H4C4: variants seen among roughly 807,000 people sequenced by gnomAD.
The protein encoded by H4C4 is histone H4.
A neutral mutation model predicts 4.4 loss-of-function variants in H4C4; 8 were observed. The observed-to-expected ratio is 1.81, with a 90% CI of 1.06 to 3.27. The LOEUF is 3.27. Among genes scored for constraint, H4C4 ranks in the 30% most tolerant of loss-of-function variants. The pLI, the probability that H4C4 is intolerant of heterozygous loss-of-function variation, is 0.00. For missense variants in H4C4, 223 were observed against 148.9 expected (o/e 1.50, Z -2.59); for synonymous variants, 130 against 59.4 (o/e 2.19, Z -5.46).
In H4C4 at chr6:26,189,078, T is replaced by G. The variant is rs1022698942; in HGVS notation, c.-2A>C. 6.3e-7 allele frequency: 1 copy of G among 1,579,954 alleles called. No homozygotes were observed. The highest frequency in any genetic ancestry group is 8.6e-7 in the Non-Finnish European group (1 of 1,161,124). On this transcript the variant is annotated 5_prime_UTR_variant, in exon 1 of 1. Transcript: ENST00000614247. Reference sequence around the variant, plus strand: ...TCCGCCCTTACCGCGGCCAGACATCTTGAAACCACAGCTGTTAAATCTGTA... The same window carrying G: ...TCCGCCCTTACCGCGGCCAGACATCGTGAAACCACAGCTGTTAAATCTGTA...
At position 26,188,730 on chromosome 6, in the gene H4C4, C is replaced by G; in HGVS notation, c.*35G>C. 6.3e-7 allele frequency: 1 copy of G among 1,595,566 alleles called. No individual in the cohort carries two copies. Among genetic ancestry groups the G allele is most frequent in the Non-Finnish European group, 8.6e-7 (1 of 1,169,526 alleles). ...GTGGATAGGTGGCCCTGAAAAGGGC[C>G]GTTGGTTTTGCGGTAGTGTACTGTA... On this transcript the variant is annotated 3_prime_UTR_variant, in exon 1 of 1. Coordinates refer to ENST00000614247, the MANE Select transcript of H4C4 (RefSeq NM_003539.4).
At position 26,188,824 on chromosome 6, in the gene H4C4, T is replaced by C. The variant is rs748605608; in HGVS notation, c.253A>G (p.Met85Val). The C allele has an allele frequency of 3.0e-5, 48 of 1,614,122 alleles. No individual in the cohort carries two copies. Among genetic ancestry groups the C allele is most frequent in the Non-Finnish European group, 3.8e-5 (45 of 1,180,044 alleles). ...EHAKRKTVTA[M>V]DVVYALKRQG... The stretch of plus-strand genomic sequence containing the variant: ...CGCTTGAGCGCGTACACCACGTCCA[T>C]GGCTGTGACTGTCTTGCGTTTGGCG... Residue 85 changes from methionine to valine, a missense_variant, in exon 1 of 1, where the codon ATG becomes GTG. Physicochemically the swap from Met to Val is conservative, Grantham distance 21. Transcript: ENST00000614247.
rs780528340 is a variant in H4C4, at chr6:26,188,998, T to A, written c.79A>T (p.Ile27Phe). 6.2e-6 allele frequency: 10 copies of A among 1,614,002 alleles called. No individual in the cohort carries two copies. The highest frequency in any genetic ancestry group is 8.5e-6 in the Non-Finnish European group (10 of 1,179,994). Residue 27 changes from isoleucine (I) to phenylalanine (F), a missense_variant, in exon 1 of 1, where the codon ATC becomes TTC. Coordinates refer to ENST00000614247, the MANE Select transcript of H4C4 (RefSeq NM_003539.4). ...KRHRKVLRDN[I>F]QGITKPAIRR... Reference sequence around the variant, plus strand: ...ATAGCGGGCTTGGTGATTCCTTGGATATTGTCACGCAATACCTTACGGTGA... The same window carrying A: ...ATAGCGGGCTTGGTGATTCCTTGGAAATTGTCACGCAATACCTTACGGTGA...
chr6:26,188,718 C>T lies in H4C4; in HGVS notation c.*47G>A. 4 of 1,573,208 alleles carry T rather than the reference C, an allele frequency of 2.5e-6. No homozygotes were observed. The highest frequency in any genetic ancestry group is 2.7e-5 in the African/African-American group (2 of 73,666). ...TCTTTCTCCTGAGTGGATAGGTGGC[C>T]CTGAAAAGGGCCGTTGGTTTTGCGG... On this transcript the variant is annotated 3_prime_UTR_variant, in exon 1 of 1. Transcript: ENST00000614247.
Position 26,188,868 on chromosome 6 carries a change from G to A in H4C4, c.209C>T (p.Ala70Val), listed in dbSNP as rs762477789. ...TTTGGCGTGTTCCGTGTAGGTGACA[G>A]CATCGCGGATTACATTTTCCAGGAA... ...KVFLENVIRD[A>V]VTYTEHAKRK... Residue 70 changes from alanine (A) to valine (V), a missense_variant, in exon 1 of 1, where the codon GCT becomes GTT. Physicochemically the swap from Ala to Val is moderately conservative, Grantham distance 64. Coordinates refer to ENST00000614247, the MANE Select transcript of H4C4 (RefSeq NM_003539.4). The A allele has an allele frequency of 7.4e-6, 12 of 1,614,116 alleles. No homozygotes were observed. The highest frequency in any genetic ancestry group is 4.5e-5 in the East Asian group (2 of 44,898).
Position 26,188,761 on chromosome 6 carries a change from A to T in H4C4, c.*4T>A, listed in dbSNP as rs746042680. ...TTTTGCGGTAGTGTACTGTAGAGGT[A>T]AGCTCAGCCGCCGAAGCCATAAAGA... On this transcript the variant is annotated 3_prime_UTR_variant, in exon 1 of 1. Transcript: ENST00000614247. The T allele has an allele frequency of 1.2e-6, 2 of 1,614,080 alleles. No individual in the cohort carries two copies. The highest frequency in any genetic ancestry group is 1.7e-6 in the Non-Finnish European group (2 of 1,179,968).
rs775510690 is a variant in H4C4, at chr6:26,188,781, TAA to T, written c.294_295del (p.Tyr99TrpfsTer?). The T allele has an allele frequency of 5.4e-5, 87 of 1,614,054 alleles. No homozygotes were observed. Among genetic ancestry groups the T allele is most frequent in the East Asian group, 1.3e-4 (6 of 44,896 alleles). ...GAGGTAAGCTCAGCCGCCGAAGCCA[TAA>T]AGAGTGCGTCCCTGGCGCTTGAGCG... On this transcript the variant is annotated frameshift_variant, in exon 1 of 1. Transcript: ENST00000614247. LOFTEE classifies it high-confidence loss of function.
rs375888188 is a variant in H4C4, at chr6:26,189,029, G to T, written c.48C>A (p.Ala16=). Residue 16 remains alanine, a synonymous_variant, in exon 1 of 1, where the codon GCC becomes GCA. Transcript: ENST00000614247. The part of the protein sequence containing the change: ...KGGKGLGKGG[A]KRHRKVLRDN... Reference sequence around the variant, plus strand: ...CACGCAATACCTTACGGTGACGCTTGGCGCCACCCTTACCTAGACCCTTTC... The same window carrying T: ...CACGCAATACCTTACGGTGACGCTTTGCGCCACCCTTACCTAGACCCTTTC... The T allele has an allele frequency of 6.2e-7, 1 of 1,611,018 alleles. No homozygotes were observed. Among genetic ancestry groups the T allele is most frequent in the Non-Finnish European group, 8.5e-7 (1 of 1,177,796 alleles).
rs370199061 is a variant in H4C4, at chr6:26,188,756, G to C, written c.*9C>G. Reference sequence around the variant, plus strand: ...GTTGGTTTTGCGGTAGTGTACTGTAGAGGTAAGCTCAGCCGCCGAAGCCAT... The same window carrying C: ...GTTGGTTTTGCGGTAGTGTACTGTACAGGTAAGCTCAGCCGCCGAAGCCAT... On this transcript the variant is annotated 3_prime_UTR_variant, in exon 1 of 1. Transcript: ENST00000614247. The C allele has an allele frequency of 1.2e-6, 2 of 1,613,970 alleles. No individual in the cohort carries two copies. The highest frequency in any genetic ancestry group is 1.1e-5 in the South Asian group (1 of 91,064).
rs747175899 is a variant in H4C4 at position 26,189,092 on chromosome 6, G to A, written c.-16C>T. 3.4e-5 allele frequency: 53 copies of A among 1,562,932 alleles called. No individual in the cohort carries two copies. The highest frequency in any genetic ancestry group is 2.3e-4 in the East Asian group (10 of 44,252). ...GGCCAGACATCTTGAAACCACAGCT[G>A]TTAAATCTGTAACGCAATACGTCTG... On this transcript the variant is annotated 5_prime_UTR_variant, in exon 1 of 1. Transcript: ENST00000614247.
chr6:26,188,998 T>C lies in H4C4; in HGVS notation c.79A>G (p.Ile27Val), dbSNP rs780528340. The C allele has an allele frequency of 2.5e-6, 4 of 1,614,120 alleles. No individual in the cohort carries two copies. Among genetic ancestry groups the C allele is most frequent in the Non-Finnish European group, 3.4e-6 (4 of 1,179,986 alleles). The change falls in exon 1 of 1, where the codon ATC becomes GTC. Residue 27 changes from isoleucine to valine, a missense_variant. Coordinates refer to ENST00000614247, the MANE Select transcript of H4C4 (RefSeq NM_003539.4). ...KRHRKVLRDN[I>V]QGITKPAIRR... The stretch of plus-strand genomic sequence containing the variant: ...ATAGCGGGCTTGGTGATTCCTTGGA[T>C]ATTGTCACGCAATACCTTACGGTGA...
rs750884941 is a variant in H4C4 at position 26,188,997 on chromosome 6, A to G, written c.80T>C (p.Ile27Thr). 6 of 1,614,052 alleles carry G rather than the reference A, an allele frequency of 3.7e-6. No individual in the cohort carries two copies. The highest frequency in any genetic ancestry group is 3.3e-5 in the South Asian group (3 of 91,084). Residue 27 changes from isoleucine to threonine, a missense_variant, in exon 1 of 1, where the codon ATC (isoleucine) becomes ACC (threonine). Transcript: ENST00000614247. ...KRHRKVLRDN[I>T]QGITKPAIRR... ...GATAGCGGGCTTGGTGATTCCTTGG[A>G]TATTGTCACGCAATACCTTACGGTG...
In H4C4 at chr6:26,188,768, G is replaced by A. The variant is rs1764826838; in HGVS notation, c.309C>T (p.Gly103=). Residue 103 remains glycine (G), a synonymous_variant, in exon 1 of 1, where the codon GGC becomes GGT. Coordinates refer to ENST00000614247, the MANE Select transcript of H4C4 (RefSeq NM_003539.4). ...RQGRTLYGFG[G] ...GTAGTGTACTGTAGAGGTAAGCTCA[G>A]CCGCCGAAGCCATAAAGAGTGCGTC... 1 of 1,614,176 alleles carries A rather than the reference G, an allele frequency of 6.2e-7. No individual in the cohort carries two copies. The highest frequency in any genetic ancestry group is 8.5e-7 in the Non-Finnish European group (1 of 1,180,022).
In H4C4 at chr6:26,189,047, A is replaced by ATAG. The variant is rs1004567395; in HGVS notation, c.29_30insCTA (p.Gly10_Leu11insTyr). ...GACGCTTGGCGCCACCCTTACCTAG[A>ATAG]CCCTTTCCGCCCTTACCGCGGCCAG... On this transcript the variant is annotated inframe_insertion, in exon 1 of 1. Transcript: ENST00000614247. The ATAG allele has an allele frequency of 6.2e-7, 1 of 1,600,600 alleles. No individual in the cohort carries two copies. The highest frequency in any genetic ancestry group is 1.3e-5 in the African/African-American group (1 of 74,268).
chr6:26,188,922 T>C lies in H4C4; in HGVS notation c.155A>G (p.Tyr52Cys), dbSNP rs1764833906. The C allele has an allele frequency of 6.2e-7, 1 of 1,614,152 alleles. No individual in the cohort carries two copies. Among genetic ancestry groups the C allele is most frequent in the Admixed American group, 1.7e-5 (1 of 60,036 alleles). ...GGVKRISGLI[Y>C]EETRGVLKVF... ...TTTCAGCACTCCGCGAGTTTCCTCA[T>C]AAATGAGGCCAGAAATACGCTTGAC... The change falls in exon 1 of 1, where the codon TAT (tyrosine) becomes TGT (cysteine). Residue 52 changes from tyrosine (Y) to cysteine (C), a missense_variant. Physicochemically the swap from Tyr to Cys is radical, Grantham distance 194. Transcript: ENST00000614247.
At position 26,188,983 on chromosome 6, in the gene H4C4, T is replaced by C. The variant is rs202049591; in HGVS notation, c.94A>G (p.Lys32Glu). 1 of 1,613,998 alleles carries C rather than the reference T, an allele frequency of 6.2e-7. No individual in the cohort carries two copies. Among genetic ancestry groups the C allele is most frequent in the African/African-American group, 1.3e-5 (1 of 74,910 alleles). Reference protein sequence around the residue: ...VLRDNIQGITKPAIRRLARRG... With the variant: ...VLRDNIQGITEPAIRRLARRG... ...CGAGCCAGGCGGCGGATAGCGGGCTTGGTGATTCCTTGGATATTGTCACGC... is the reference window on the plus strand; with the variant it reads ...CGAGCCAGGCGGCGGATAGCGGGCTCGGTGATTCCTTGGATATTGTCACGC... Residue 32 changes from lysine to glutamate, a missense_variant, in exon 1 of 1, where the codon AAG becomes GAG. Lys to Glu is a moderately conservative substitution (Grantham distance 56). Transcript: ENST00000614247.
At position 26,188,944 on chromosome 6, in the gene H4C4, TGACGCCGCCGCGGCGAGCCA is replaced by T. The variant is rs1764834611; in HGVS notation, c.113_132del (p.Leu38GlnfsTer9). The T allele has an allele frequency of 6.2e-7, 1 of 1,614,082 alleles. No individual in the cohort carries two copies. Among genetic ancestry groups the T allele is most frequent in the African/African-American group, 1.3e-5 (1 of 74,942 alleles). On this transcript the variant is annotated frameshift_variant, in exon 1 of 1. Coordinates refer to ENST00000614247, the MANE Select transcript of H4C4 (RefSeq NM_003539.4). LOFTEE classifies it high-confidence loss of function. ...TCATAAATGAGGCCAGAAATACGCTTGACGCCGCCGCGGCGAGCCAGGCGGCGGATAGCGGGCTTGGTGAT... is the reference window on the plus strand; with the variant it reads ...TCATAAATGAGGCCAGAAATACGCTTGGCGGCGGATAGCGGGCTTGGTGAT...
In H4C4 at chr6:26,188,984, G is replaced by C. The variant is rs1383247482; in HGVS notation, c.93C>G (p.Thr31=). The C allele has an allele frequency of 1.9e-5, 30 of 1,614,130 alleles. No individual in the cohort carries two copies. Among genetic ancestry groups the C allele is most frequent in the South Asian group, 2.2e-5 (2 of 91,084 alleles). The part of the protein sequence containing the change: ...KVLRDNIQGI[T]KPAIRRLARR... Reference sequence around the variant, plus strand: ...GAGCCAGGCGGCGGATAGCGGGCTTGGTGATTCCTTGGATATTGTCACGCA... The same window carrying C: ...GAGCCAGGCGGCGGATAGCGGGCTTCGTGATTCCTTGGATATTGTCACGCA... The change falls in exon 1 of 1, where the codon ACC becomes ACG. Residue 31 remains threonine (T), a synonymous_variant. Transcript: ENST00000614247.
chr6:26,189,047 A>C lies in H4C4; in HGVS notation c.30T>G (p.Gly10=). MSGRGKGGK[G]LGKGGAKRHR... ...GACGCTTGGCGCCACCCTTACCTAG[A>C]CCCTTTCCGCCCTTACCGCGGCCAG... The change falls in exon 1 of 1, where the codon GGT becomes GGG. Residue 10 remains glycine, a synonymous_variant. Transcript: ENST00000614247. The C allele has an allele frequency of 6.2e-7, 1 of 1,600,720 alleles. No individual in the cohort carries two copies. The highest frequency in any genetic ancestry group is 8.5e-7 in the Non-Finnish European group (1 of 1,170,822).
Sources: allele counts gnomAD v4.1 joint callset, GRCh38; gene constraint gnomAD v4.1.1; transcripts MANE v1.5; gene names NCBI Gene and HGNC (gene_info 2026-07-23, HGNC 2026-07-21).